Variants in PCDHGB7 observed in about 807,000 individuals in gnomAD.
PCDHGB7 encodes the protein protocadherin gamma subfamily B, 7.
Under a neutral mutation model 61.4 loss-of-function variants are expected in PCDHGB7, and 37 were observed. The ratio of observed to expected loss-of-function variants is 0.60; its 90% CI spans 0.46 to 0.79. PCDHGB7 has a LOEUF of 0.79. PCDHGB7 is among the 30% of genes least tolerant of loss of function. The pLI, the probability that PCDHGB7 is intolerant of heterozygous loss-of-function variation, is 0.00. For missense variants in PCDHGB7, 1,166 were observed against 1,202.5 expected (o/e 0.97, Z 0.45); for synonymous variants, 464 against 503.5 (o/e 0.92, Z 1.05).
rs758578821 is a variant in PCDHGB7 at position 141,486,659 on chromosome 5, G to C, written c.2416-8148G>C. The C allele has an allele frequency of 6.8e-6, 11 of 1,613,944 alleles. No individual in the cohort carries two copies. The highest frequency in any genetic ancestry group is 8.5e-6 in the Non-Finnish European group (10 of 1,180,026). On this transcript the variant is annotated intron_variant, in intron 1 of 3. Coordinates refer to ENST00000398594, the MANE Select transcript of PCDHGB7 (RefSeq NM_018927.4). The surrounding 1 kb of genome is among the most constrained non-coding windows in gnomAD (Gnocchi z 5.0). ...TGCGCTTATCTCCTACTCACTCCTGGAGCCCAGGAATCGAGATGTATCAGC... is the reference window on the plus strand; with the variant it reads ...TGCGCTTATCTCCTACTCACTCCTGCAGCCCAGGAATCGAGATGTATCAGC...
At position 141,511,076 on chromosome 5, in the gene PCDHGB7, A is replaced by G. The variant is rs201009079; in HGVS notation, c.2693A>G (p.Asn898Ser). 19 of 1,614,218 alleles carry G rather than the reference A, an allele frequency of 1.2e-5. No individual in the cohort carries two copies. In the East Asian group the frequency reaches 3.6e-4, roughly 30 times the overall value. ...CAGAATGTCTACATCCCAGGCAGCA[A>G]TGCCACACTGACCAACGCAGCTGGC... ...YRQNVYIPGS[N>S]ATLTNAAGKR... Residue 898 changes from asparagine (N) to serine (S), a missense_variant, in exon 4 of 4, where the codon AAT (asparagine) becomes AGT (serine). Coordinates refer to ENST00000398594, the MANE Select transcript of PCDHGB7 (RefSeq NM_018927.4).
rs745334496 is a variant in PCDHGB7 at position 141,478,302 on chromosome 5, C to A, written c.2416-16505C>A. 47 of 1,613,952 alleles carry A rather than the reference C, an allele frequency of 2.9e-5. 1 individual carries two copies. In the Admixed American group the frequency reaches 7.0e-4, roughly 24 times the overall value. On this transcript the variant is annotated intron_variant, in intron 1 of 3. Transcript: ENST00000398594. ...AAGCAGTCTAGAGACCTATACCGAGCCCCGGTGAGCTCACTGTACCGAACA... is the reference window on the plus strand; with the variant it reads ...AAGCAGTCTAGAGACCTATACCGAGACCCGGTGAGCTCACTGTACCGAACA...
At chr5:141,430,383 GA>G (rs139772145) in intron 1 of PCDHGB7, among the ~76,000 whole-genome samples, 3,229 of 138,382 alleles carry the variant, frequency 0.023, 41 homozygotes, top group African/African-American at 0.033. Flanking sequence ...AGCTCATTGG[GA>G]AAAAAAAAAA....
intron 1 of PCDHGB7, among the ~76,000 whole-genome samples, chr5:141,484,795 C>T (rs1265916821): frequency 6.6e-6 from 1 of 151,784 alleles, no homozygotes; most frequent in African/African-American, 2.4e-5. Context: ...AGATAACAAC[C>T]CGTGGAAAAA....
At chr5:141,427,294 AT>A (rs2097012877) in intron 1 of PCDHGB7, 1 of 456,758 alleles carries the variant, frequency 2.2e-6, no homozygotes, top group Non-Finnish European at 4.4e-6. Flanking sequence ...GAAATCCTAG[AT>A]GAGAATGACA....
At chr5:141,468,154 G>A (rs1374898668) in intron 1 of PCDHGB7, among the ~76,000 whole-genome samples, 2 of 151,838 alleles carry the variant, frequency 1.3e-5, no homozygotes, top group African/African-American at 2.4e-5. Flanking sequence ...GTGAAACCCT[G>A]TCTCTGCTAA....
chr5:141,455,690 C>A (rs1209152869), intron 1 of PCDHGB7, among the ~76,000 whole-genome samples: 1 of 152,064 alleles, frequency 6.6e-6, no homozygotes, highest in East Asian at 1.9e-4. Context: ...CTGTGGGAAT[C>A]GCCAAGTTGA....
chr5:141,419,148 C>A lies in PCDHGB7; in HGVS notation c.1289C>A (p.Pro430His). Reference sequence around the variant, plus strand: ...ATCGCAGCCACAGACAGGGGCAAGCCTCCGTTATCCTCCAGCAAAACCATA... The same window carrying A: ...ATCGCAGCCACAGACAGGGGCAAGCATCCGTTATCCTCCAGCAAAACCATA... ...VTIAATDRGK[P>H]PLSSSKTITL... The change falls in exon 1 of 4, where the codon CCT becomes CAT. Residue 430 changes from proline (P) to histidine (H), a missense_variant. Pro to His is a moderately conservative substitution (Grantham distance 77). Coordinates refer to ENST00000398594, the MANE Select transcript of PCDHGB7 (RefSeq NM_018927.4). 1 of 1,613,940 alleles carries A rather than the reference C, an allele frequency of 6.2e-7. No homozygotes were observed. Among genetic ancestry groups the A allele is most frequent in the Admixed American group, 1.7e-5 (1 of 60,028 alleles).
intron 1 of PCDHGB7, among the ~76,000 whole-genome samples, chr5:141,447,221 C>A (rs1034853072): frequency 6.6e-6 from 1 of 152,026 alleles, no homozygotes; most frequent in Non-Finnish European, 1.5e-5. Context: ...CTCACTGCAA[C>A]CTCCGCCTCC....
At chr5:141,430,595 G>T (rs549786394) in intron 1 of PCDHGB7, 3 of 567,018 alleles carry the variant, frequency 5.3e-6, no homozygotes, top group African/African-American at 1.9e-5. Context: ...CCTTGCACGC[G>T]CCTGAAGCAC....
Position 141,491,574 on chromosome 5 carries a change from T to G in PCDHGB7, c.2416-3233T>G. Reference sequence around the variant, plus strand: ...AGAGCCACTGCTACAGGACGTGCTTTTCACCGGCCTCGGACGGCAGTGACT... The same window carrying G: ...AGAGCCACTGCTACAGGACGTGCTTGTCACCGGCCTCGGACGGCAGTGACT... On this transcript the variant is annotated intron_variant, in intron 1 of 3. Transcript: ENST00000398594. This position sits in a 1 kb window ranked among gnomAD's most constrained non-coding sequence, Gnocchi z 6.9. The G allele has an allele frequency of 6.2e-7, 1 of 1,613,956 alleles. No homozygotes were observed. Among genetic ancestry groups the G allele is most frequent in the Non-Finnish European group, 8.5e-7 (1 of 1,180,032 alleles).
chr5:141,422,479 A>G, intron 1 of PCDHGB7: 1 of 1,613,890 alleles, frequency 6.2e-7, no homozygotes, highest in Non-Finnish European at 8.5e-7. Flanking sequence ...GTTGGTCCAG[A>G]GCTACAATAT....
intron 1 of PCDHGB7, among the ~76,000 whole-genome samples, chr5:141,448,813 C>T (rs1020956433): frequency 2.0e-5 from 3 of 151,800 alleles, no homozygotes; most frequent in Admixed American, 1.3e-4. Context: ...GGCGTGATGG[C>T]GGGCGCCTGT....
At chr5:141,460,438 T>A (rs1035541143) in intron 1 of PCDHGB7, among the ~76,000 whole-genome samples, 16 of 152,172 alleles carry the variant, frequency 1.1e-4, no homozygotes, top group African/African-American at 3.1e-4. Flanking sequence ...TGGTGTGAGG[T>A]AACAATGAAG....
Position 141,505,383 on chromosome 5 carries a change from C to T in PCDHGB7, c.2475-10C>T, listed in dbSNP as rs369765886. On this transcript the variant is annotated splice_polypyrimidine_tract_variant and intron_variant, in intron 2 of 3. Coordinates refer to ENST00000398594, the MANE Select transcript of PCDHGB7 (RefSeq NM_018927.4). Reference sequence around the variant, plus strand: ...GGGAGTCTGTGCTCACCATCCTACTCTCTCCCCAGCTCCCAAAATGGCGAT... The same window carrying T: ...GGGAGTCTGTGCTCACCATCCTACTTTCTCCCCAGCTCCCAAAATGGCGAT... The T allele has an allele frequency of 1.2e-6, 2 of 1,613,944 alleles. No individual in the cohort carries two copies. Among genetic ancestry groups the T allele is most frequent in the African/African-American group, 2.7e-5 (2 of 74,914 alleles).
At chr5:141,500,045 T>C (rs2099796072) in intron 2 of PCDHGB7, among the ~76,000 whole-genome samples, 1 of 152,062 alleles carries the variant, frequency 6.6e-6, no homozygotes, top group South Asian at 2.1e-4. Flanking sequence ...CTTAAGTATC[T>C]TAATGCTCTT....
chr5:141,423,809 G>C, intron 1 of PCDHGB7: 1 of 1,260,030 alleles, frequency 7.9e-7, no homozygotes, highest in Non-Finnish European at 1.0e-6. Context: ...ATACATGTGA[G>C]TTTTACTTTG....
chr5:141,472,750 C>T (rs967243815), intron 1 of PCDHGB7, among the ~76,000 whole-genome samples: 3 of 151,882 alleles, frequency 2.0e-5, no homozygotes, highest in Non-Finnish European at 2.9e-5. Context: ...CTTTGGGAGG[C>T]GGAGGCTGGC....
At chr5:141,501,013 C>T (rs1456343329) in intron 2 of PCDHGB7, among the ~76,000 whole-genome samples, 2 of 151,970 alleles carry the variant, frequency 1.3e-5, no homozygotes, top group Non-Finnish European at 2.9e-5. Context: ...GGACTACAGG[C>T]ACGCGCCACC....
Sources: gnomAD v4.1 joint callset for allele counts (sites outside exome capture counted in the v4.1 genomes callset) on GRCh38, gnomAD v4.1.1 for gene constraint, Gnocchi (gnomAD v3.1) non-coding constraint, MANE v1.5 for transcripts, NCBI Gene and HGNC (gene_info 2026-07-23, HGNC 2026-07-21) for gene names.